CTNNA1: variants seen among roughly 807,000 people sequenced by gnomAD.
CTNNA1 encodes catenin alpha 1.
Under a neutral mutation model 98.4 loss-of-function variants are expected in CTNNA1, and 37 were observed. The observed-to-expected ratio is 0.38, with a 90% confidence interval of 0.29 to 0.49. CTNNA1 has a LOEUF of 0.49. Among genes scored for constraint, CTNNA1 ranks in the 20% least tolerant of loss-of-function variants. CTNNA1 has a pLI of 0.95. For missense variants in CTNNA1, 761 were observed against 1,147.2 expected (o/e 0.66, Z 4.86); for synonymous variants, 404 against 413.2 (o/e 0.98, Z 0.27).
intron 1 of CTNNA1, among the ~76,000 whole-genome samples, chr5:138,777,823 A>G (rs1389958419): frequency 1.4e-5 from 2 of 147,260 alleles, no homozygotes; most frequent in Non-Finnish European, 1.5e-5. Context: ...GTCCAGCTTC[A>G]GCTCGGCATC....
chr5:138,868,027 C>G (rs1764963924), intron 7 of CTNNA1, among the ~76,000 whole-genome samples: 1 of 152,226 alleles, frequency 6.6e-6, no homozygotes, highest in Non-Finnish European at 1.5e-5. Context: ...ACTGGGATTA[C>G]TGGCGTGAGC....
At chr5:138,835,840 A>G (rs1188106321) in intron 7 of CTNNA1, among the ~76,000 whole-genome samples, 1 of 152,062 alleles carries the variant, frequency 6.6e-6, no homozygotes, top group Non-Finnish European at 1.5e-5. Flanking sequence ...TTCATGCTGT[A>G]GATTAGAGCT....
chr5:138,846,945 A>T lies in CTNNA1; in HGVS notation c.1062+19227A>T, dbSNP rs182961382. Among the ~76,000 whole-genome samples the T allele has an allele frequency of 1.9e-4, 29 of 152,266 alleles. No homozygotes were observed. In the East Asian group the frequency reaches 5.2e-3, roughly 27 times the overall value. ...TCTGCATATAATCACCTAGAATTTG[A>T]TTATACAGCTCTGAGAACTATGAAA... On this transcript the variant is annotated intron_variant, in intron 7 of 17. Coordinates refer to ENST00000302763, the MANE Select transcript of CTNNA1 (RefSeq NM_001903.5).
chr5:138,905,239 G>A (rs955766941), intron 10 of CTNNA1, among the ~76,000 whole-genome samples: 3 of 151,832 alleles, frequency 2.0e-5, no homozygotes, highest in African/African-American at 4.8e-5. Flanking sequence ...GCAGTGAGCC[G>A]AGATCACACC....
In CTNNA1 at chr5:138,819,792, G is replaced by A. The variant is rs989893547; in HGVS notation, c.589-4738G>A. Among the ~76,000 whole-genome samples the A allele has an allele frequency of 6.1e-5, 9 of 146,796 alleles. 1 individual carries two copies. Among genetic ancestry groups the A allele is most frequent in the Admixed American group, 1.4e-4 (2 of 14,202 alleles). ...GGATTTGTGTCCCCCCCCAAATCTC[G>A]TGTCTAATTGTAGTCCCCAGTGTTG... On this transcript the variant is annotated intron_variant, in intron 5 of 17. Coordinates refer to ENST00000302763, the MANE Select transcript of CTNNA1 (RefSeq NM_001903.5).
intron 3 of CTNNA1, among the ~76,000 whole-genome samples, chr5:138,795,873 A>G (rs889822600): frequency 6.6e-6 from 1 of 152,328 alleles, no homozygotes; most frequent in African/African-American, 2.4e-5. Context: ...AAAAAATGAA[A>G]ACTTACAATT....
intron 7 of CTNNA1, chr5:138,881,058 C>T (rs757776689): frequency 2.4e-5 from 11 of 456,106 alleles, no homozygotes; most frequent in Middle Eastern, 3.2e-4. Flanking sequence ...GTCAGCATTC[C>T]GTCTGCAGTT....
At chr5:138,858,217 C>T (rs562008153) in intron 7 of CTNNA1, among the ~76,000 whole-genome samples, 1 of 151,644 alleles carries the variant, frequency 6.6e-6, no homozygotes, top group South Asian at 2.1e-4. Flanking sequence ...GCCTTGAACT[C>T]GTGGGCTCCA....
chr5:138,793,198 CT>C (rs1484140432), intron 3 of CTNNA1, among the ~76,000 whole-genome samples: 1 of 152,166 alleles, frequency 6.6e-6, no homozygotes, highest in Non-Finnish European at 1.5e-5. Flanking sequence ...AATATAAATT[CT>C]GAAAAATCAT....
At chr5:138,769,752 C>T (rs1048563216) in intron 1 of CTNNA1, among the ~76,000 whole-genome samples, 6 of 152,034 alleles carry the variant, frequency 3.9e-5, no homozygotes, top group Middle Eastern at 3.4e-3. Flanking sequence ...AGGCTGGTCT[C>T]GAACTCCCGA....
chr5:138,852,125 TA>T (rs1249054670), intron 7 of CTNNA1, among the ~76,000 whole-genome samples: 1 of 152,040 alleles, frequency 6.6e-6, no homozygotes, highest in Non-Finnish European at 1.5e-5. Context: ...GCTACCCAAT[TA>T]GTAGTGCTAT....
intron 7 of CTNNA1, among the ~76,000 whole-genome samples, chr5:138,835,788 A>G (rs1761718287): frequency 6.6e-6 from 1 of 152,172 alleles, no homozygotes; most frequent in African/African-American, 2.4e-5. Context: ...CTACTCTCTT[A>G]GCAAGTTTTC....
chr5:138,882,818 T>C (rs749793938), intron 7 of CTNNA1, among the ~76,000 whole-genome samples: 2 of 152,168 alleles, frequency 1.3e-5, no homozygotes, highest in Non-Finnish European at 2.9e-5. Context: ...AGAAGTAGAA[T>C]CTTGTTTTTG....
chr5:138,779,778 C>G (rs576719249), intron 1 of CTNNA1, among the ~76,000 whole-genome samples: 2 of 148,774 alleles, frequency 1.3e-5, no homozygotes, highest in African/African-American at 5.0e-5. Context: ...TGCAGTGGTG[C>G]GATCTTGGCT....
chr5:138,825,482 G>GTTTCTTTTTTTTTT (rs1760580754), intron 6 of CTNNA1, among the ~76,000 whole-genome samples: 1 of 74,114 alleles, frequency 1.3e-5, no homozygotes, highest in Non-Finnish European at 2.4e-5. Flanking sequence ...AGCAGTATAA[G>GTTTCTTTTTTTTTT]TTTTTTTTTT....
chr5:138,844,477 G>T (rs1762535970), intron 7 of CTNNA1, among the ~76,000 whole-genome samples: 1 of 152,144 alleles, frequency 6.6e-6, no homozygotes, highest in South Asian at 2.1e-4. Flanking sequence ...GCTGTCTTCA[G>T]GTTTCCTATG....
intron 6 of CTNNA1, 91 bp downstream of exon 6, chr5:138,824,890 A>G: frequency 8.4e-7 from 1 of 1,194,056 alleles, no homozygotes; most frequent in South Asian, 1.4e-5. Context: ...GCTTCTGATG[A>G]TAGCTCAATT....
At position 138,932,609 on chromosome 5, in the gene CTNNA1, T is replaced by A; in HGVS notation, c.2330T>A (p.Leu777Gln). Reference protein sequence around the residue: ...CPDSACKQDLLAYLQRIALYC... With the variant: ...CPDSACKQDLQAYLQRIALYC... ...GACTCGGCTTGCAAGCAGGACCTGC[T>A]GGCCTACCTGCAACGCATCGCCCTC... Residue 777 changes from leucine to glutamine, a missense_variant, in exon 17 of 18, where the codon CTG becomes CAG. Transcript: ENST00000302763. 6.2e-7 allele frequency: 1 copy of A among 1,614,184 alleles called. No individual in the cohort carries two copies. The highest frequency in any genetic ancestry group is 8.5e-7 in the Non-Finnish European group (1 of 1,180,032).
intron 3 of CTNNA1, among the ~76,000 whole-genome samples, chr5:138,788,837 A>G (rs1184457947): frequency 6.6e-6 from 1 of 152,166 alleles, no homozygotes; most frequent in Non-Finnish European, 1.5e-5. Flanking sequence ...TTACTAGAAC[A>G]GTGTTTTATA....
Sources: gnomAD v4.1 joint callset for allele counts (sites outside exome capture counted in the v4.1 genomes callset) on GRCh38, gnomAD v4.1.1 for gene constraint, MANE v1.5 for transcripts, NCBI Gene and HGNC (gene_info 2026-07-23, HGNC 2026-07-21) for gene names.